ENPP2: variants seen among roughly 807,000 people sequenced by gnomAD.
ENPP2 encodes autotaxin.
Under a neutral mutation model 120.2 loss-of-function variants are expected in ENPP2, and 51 were observed. The ratio of observed to expected loss-of-function variants is 0.42; its 90% CI spans 0.34 to 0.54. The LOEUF (loss-of-function observed/expected upper bound fraction) is 0.54, where lower values mean the gene tolerates loss of function less well. Ranked by LOEUF, ENPP2 falls within the 20% of genes least tolerant of loss-of-function variation. The probability of loss-of-function intolerance (pLI) is 0.04; values close to 1 mark genes in which losing one functional copy is unlikely to be tolerated. For missense variants in ENPP2, 920 were observed against 1,066.5 expected (o/e 0.86, Z 1.91); for synonymous variants, 365 against 366.4 (o/e 1.00, Z 0.04).
intron 5 of ENPP2, among the ~76,000 whole-genome samples, chr8:119,618,651 T>G (rs1815651221): frequency 6.6e-6 from 1 of 151,812 alleles, no homozygotes; most frequent in African/African-American, 2.4e-5. Context: ...GCGATTCTCA[T>G]GCCTCTGCCT....
At chr8:119,621,310 G>A in intron 4 of ENPP2, 84 bp downstream of exon 4, 1 of 1,221,088 alleles carries the variant, frequency 8.2e-7, no homozygotes, top group Non-Finnish European at 1.2e-6. Context: ...ATCCAGTGTG[G>A]TCTATTCCTA....
intron 1 of ENPP2, chr8:119,673,123 C>T: frequency 1.3e-6 from 1 of 757,588 alleles, no homozygotes; most frequent in Non-Finnish European, 2.2e-6. Context: ...CACGGGAACA[C>T]AGCCCAACAG....
intron 2 of ENPP2, among the ~76,000 whole-genome samples, chr8:119,630,500 C>T (rs562740629): frequency 6.6e-6 from 1 of 152,312 alleles, no homozygotes; most frequent in African/African-American, 2.4e-5. Flanking sequence ...TATTTTCTTA[C>T]AACATTAATC....
chr8:119,654,151 G>A (rs1817703044), intron 1 of ENPP2, among the ~76,000 whole-genome samples: 1 of 140,684 alleles, frequency 7.1e-6, no homozygotes, highest in African/African-American at 2.6e-5. Context: ...TAATATATAA[G>A]TATCTATATA....
chr8:119,664,316 C>T (rs1818008276), intron 1 of ENPP2, among the ~76,000 whole-genome samples: 1 of 152,142 alleles, frequency 6.6e-6, no homozygotes, highest in Non-Finnish European at 1.5e-5. Context: ...TTCAGCGCTA[C>T]CACTTCCAAG....
intron 18 of ENPP2, chr8:119,580,380 T>G (rs751096015): frequency 1.9e-5 from 11 of 578,772 alleles, no homozygotes; most frequent in South Asian, 4.1e-5. Context: ...AAGCACCTTC[T>G]TCAATCTCTG....
In ENPP2 at chr8:119,630,460, T is replaced by C. The variant is rs1224629659; in HGVS notation, c.137-3740A>G. 2.0e-5 allele frequency among the ~76,000 whole-genome samples: 3 copies of C among 152,226 alleles called. No individual in the cohort carries two copies. The East Asian group carries it at 5.8e-4, about 29-fold the overall frequency. Reference sequence around the variant, plus strand: ...TGTGTGAATTTTTAGCCACATTTAATCTTTCTTCACTCATTCACCTGATTT... The same window carrying C: ...TGTGTGAATTTTTAGCCACATTTAACCTTTCTTCACTCATTCACCTGATTT... On this transcript the variant is annotated intron_variant, in intron 2 of 24. Transcript: ENST00000075322.
intron 9 of ENPP2, among the ~76,000 whole-genome samples, chr8:119,604,695 A>G (rs1399625973): frequency 6.6e-6 from 1 of 152,228 alleles, no homozygotes; most frequent in Non-Finnish European, 1.5e-5. Context: ...GAGAATGTGA[A>G]TAAGAAAACA....
At chr8:119,617,120 T>G in intron 7 of ENPP2, 44 bp downstream of exon 7, 24 of 1,181,060 alleles carry the variant, frequency 2.0e-5, no homozygotes, top group Non-Finnish European at 2.7e-5. Flanking sequence ...CATTCCAGGA[T>G]GAAATCAGCC....
At position 119,582,500 on chromosome 8, in the gene ENPP2, G is replaced by T; in HGVS notation, c.1646C>A (p.Thr549Asn). The T allele has an allele frequency of 3.1e-6, 5 of 1,614,056 alleles. No individual in the cohort carries two copies. The highest frequency in any genetic ancestry group is 4.2e-6 in the Non-Finnish European group (5 of 1,179,904). ...TFRPTMPEEV[T>N]RPNYPGIMYL... is the part of the protein sequence containing the mutation. The stretch of plus-strand genomic sequence containing the variant: ...CATAATCCCTGGATAATTGGGTCTG[G>T]TAACTTCCTCTGGCATGGTTGGCCT... Residue 549 changes from threonine to asparagine, a missense_variant, in exon 18 of 25, where the codon ACC becomes AAC. Transcript: ENST00000075322.
chr8:119,673,326 G>T, exon 1 of ENPP2: 1 of 1,532,668 alleles, frequency 6.5e-7, no homozygotes, highest in East Asian at 2.5e-5. Context: ...CGCGGCCTGG[G>T]CTGCAGCCCC....
chr8:119,633,269 A>C (rs893445959), intron 2 of ENPP2, among the ~76,000 whole-genome samples: 7 of 152,210 alleles, frequency 4.6e-5, no homozygotes, highest in Non-Finnish European at 8.8e-5. Context: ...TAGAAGAGGC[A>C]GTATTTAAGT....
At chr8:119,608,004 AAAT>A in intron 8 of ENPP2, 27 bp from the exon 9 acceptor site, 1 of 1,550,676 alleles carries the variant, frequency 6.4e-7, no homozygotes, top group Non-Finnish European at 8.8e-7. Flanking sequence ...AAGCGGCTTA[AAAT>A]GTGTTCTGTG....
At chr8:119,639,768 C>A (rs765357213), upstream of ENPP2, among the ~76,000 whole-genome samples, 1 of 152,080 alleles carries the variant, frequency 6.6e-6, no homozygotes, top group Non-Finnish European at 1.5e-5. Flanking sequence ...ATGTAGCCAC[C>A]AAATACTGTG....
intron 9 of ENPP2, 63 bp downstream of exon 9, chr8:119,607,859 A>T: frequency 1.0e-6 from 1 of 971,732 alleles, no homozygotes. Flanking sequence ...ACTTAAATTG[A>T]TGTTTTAGAA....
intron 1 of ENPP2, among the ~76,000 whole-genome samples, chr8:119,671,888 A>G (rs983424511): frequency 2.0e-5 from 3 of 152,202 alleles, no homozygotes; most frequent in Admixed American, 6.5e-5. Context: ...ATTAAATTGT[A>G]ACTCAAAGGT....
intron 19 of ENPP2, among the ~76,000 whole-genome samples, chr8:119,579,626 T>A (rs989097499): frequency 6.6e-6 from 1 of 152,012 alleles, no homozygotes; most frequent in African/African-American, 2.4e-5. Context: ...CTCGTTATCA[T>A]TGTACGTAAA....
rs1587306021 is a variant in ENPP2 at position 119,559,209 on chromosome 8, A to C, written c.2422-1518T>G. Among the ~76,000 whole-genome samples the C allele has an allele frequency of 2.6e-5, 4 of 152,286 alleles. No homozygotes were observed. The South Asian group carries it at 8.3e-4, about 32-fold the overall frequency. ...CTCAGTGTGACCCTATAATTAACGA[A>C]GTAGGAGGTCTCCAGATGGGTCAGG... On this transcript the variant is annotated intron_variant, in intron 24 of 24. Transcript: ENST00000075322.
intron 24 of ENPP2, among the ~76,000 whole-genome samples, chr8:119,559,495 G>T (rs1813745102): frequency 6.6e-6 from 1 of 152,150 alleles, no homozygotes; most frequent in African/African-American, 2.4e-5. Context: ...CATTGGAGAG[G>T]CAGTCTCTTC....
Sources: allele counts gnomAD v4.1 joint callset (sites outside exome capture counted in the v4.1 genomes callset), GRCh38; gene constraint gnomAD v4.1.1; transcripts MANE v1.5; gene names NCBI Gene and HGNC (gene_info 2026-07-23, HGNC 2026-07-21).